Variants in DCDC1 observed in about 807,000 individuals in gnomAD.
DCDC1 encodes doublecortin domain containing 1, also known as doublecortin domain-containing protein 1.
Under a neutral mutation model 178.3 loss-of-function variants are expected in DCDC1, and 200 were observed. The ratio of observed to expected loss-of-function variants is 1.12; its 90% CI spans 1.00 to 1.26. The LOEUF (loss-of-function observed/expected upper bound fraction) is 1.26, where lower values mean the gene tolerates loss of function less well. Among genes scored for constraint, DCDC1 ranks in the 50% most tolerant of loss-of-function variants. The pLI, the probability that DCDC1 is intolerant of heterozygous loss-of-function variation, is 0.00. For synonymous variants in DCDC1, 690 were observed against 604.8 expected (o/e 1.14, Z -2.07); for missense variants, 1,983 against 1,749.2 (o/e 1.13, Z -2.38).
intron 20 of DCDC1, among the ~76,000 whole-genome samples, chr11:31,044,401 C>T (rs1289529596): frequency 1.3e-5 from 2 of 151,408 alleles, no homozygotes; most frequent in African/African-American, 4.9e-5. Flanking sequence ...GGGCATGAAC[C>T]CGGGAGGCGG....
At chr11:31,117,559 G>A (rs1960154135) in intron 11 of DCDC1, among the ~76,000 whole-genome samples, 2 of 151,992 alleles carry the variant, frequency 1.3e-5, no homozygotes, top group African/African-American at 2.4e-5. Flanking sequence ...GCCCTCATCA[G>A]CTTCTCAGTG....
At chr11:31,018,128 G>A (rs866999131) in intron 20 of DCDC1, among the ~76,000 whole-genome samples, 1 of 151,952 alleles carries the variant, frequency 6.6e-6, no homozygotes, top group Admixed American at 6.6e-5. Flanking sequence ...ATCATTGGCT[G>A]AACAAACTAA....
At chr11:31,329,803 T>G (rs1277637351) in intron 2 of DCDC1, among the ~76,000 whole-genome samples, 2 of 152,240 alleles carry the variant, frequency 1.3e-5, no homozygotes, top group African/African-American at 4.8e-5. Context: ...CTATCATAGA[T>G]GGACATTTGG....
intron 20 of DCDC1, among the ~76,000 whole-genome samples, chr11:30,974,364 G>A (rs758507238): frequency 6.7e-6 from 1 of 150,352 alleles, no homozygotes; most frequent in African/African-American, 2.4e-5. Context: ...TTAGTAGAAG[G>A]AAAGAAATAA....
chr11:30,866,263 G>GA (rs1233914480), intron 38 of DCDC1, among the ~76,000 whole-genome samples: 6 of 152,104 alleles, frequency 3.9e-5, no homozygotes, highest in Admixed American at 6.5e-5. Context: ...GGGTAGCTTA[G>GA]AAAAAATACA....
intron 17 of DCDC1, among the ~76,000 whole-genome samples, chr11:31,089,359 A>G (rs1287246688): frequency 2.6e-5 from 4 of 151,816 alleles, no homozygotes. Flanking sequence ...TGCTTTTAAG[A>G]TTTTCTCTTT....
At chr11:31,105,725 CAT>C (rs1393122754) in intron 13 of DCDC1, among the ~76,000 whole-genome samples, 1 of 152,116 alleles carries the variant, frequency 6.6e-6, no homozygotes, top group Middle Eastern at 3.4e-3. Flanking sequence ...AATTTTGTAA[CAT>C]GTGATCCACA....
chr11:31,196,259 C>T (rs190244680), intron 9 of DCDC1, among the ~76,000 whole-genome samples: 4 of 152,098 alleles, frequency 2.6e-5, no homozygotes, highest in East Asian at 3.9e-4. Context: ...TGACAGCAAA[C>T]GTGGTGGTTT....
At chr11:31,197,722 T>C (rs1970848618) in intron 9 of DCDC1, among the ~76,000 whole-genome samples, 1 of 152,106 alleles carries the variant, frequency 6.6e-6, no homozygotes, top group Admixed American at 6.6e-5. Flanking sequence ...CATCAGTTTA[T>C]GTGCCTCCAA....
chr11:31,137,823 A>G, intron 9 of DCDC1, 39 bp from the exon 10 acceptor site: 1 of 695,656 alleles, frequency 1.4e-6, no homozygotes. Flanking sequence ...GCAGGTATCT[A>G]TTGACACCTA....
At chr11:31,264,134 G>A (rs917271149) in intron 8 of DCDC1, among the ~76,000 whole-genome samples, 1 of 152,166 alleles carries the variant, frequency 6.6e-6, no homozygotes, top group African/African-American at 2.4e-5. Context: ...CCACATTTAT[G>A]AGTGTCAGCT....
intron 9 of DCDC1, among the ~76,000 whole-genome samples, chr11:31,204,809 A>G (rs1971688977): frequency 6.6e-6 from 1 of 152,176 alleles, no homozygotes; most frequent in Non-Finnish European, 1.5e-5. Flanking sequence ...GCAACACAGC[A>G]AGACTCCATC....
At position 31,216,734 on chromosome 11, in the gene DCDC1, A is replaced by G. The variant is rs529637096; in HGVS notation, c.1221+24716T>C. 2.0e-5 allele frequency among the ~76,000 whole-genome samples: 3 copies of G among 152,286 alleles called. No individual in the cohort carries two copies. In the South Asian group the frequency reaches 6.2e-4, roughly 32 times the overall value. ...GACAGTACTAGTTACTCAGGGTCTTAGCTTTCCCCATACAAGACAGAGATG... is the reference window on the plus strand; with the variant it reads ...GACAGTACTAGTTACTCAGGGTCTTGGCTTTCCCCATACAAGACAGAGATG... On this transcript the variant is annotated intron_variant, in intron 9 of 38. Transcript: ENST00000684477.
intron 22 of DCDC1, among the ~76,000 whole-genome samples, chr11:30,927,695 A>C (rs1280142675): frequency 6.6e-6 from 1 of 152,206 alleles, no homozygotes; most frequent in East Asian, 1.9e-4. Flanking sequence ...CTATTATTCT[A>C]AAATGGAACT....
intron 9 of DCDC1, among the ~76,000 whole-genome samples, chr11:31,192,992 G>A (rs568916027): frequency 1.6e-4 from 24 of 152,042 alleles, no homozygotes; most frequent in African/African-American, 2.4e-4. Flanking sequence ...TCCTGCTCTC[G>A]GACATCACAA....
At chr11:30,936,335 A>G (rs1947275895) in intron 21 of DCDC1, among the ~76,000 whole-genome samples, 1 of 152,146 alleles carries the variant, frequency 6.6e-6, no homozygotes, top group Non-Finnish European at 1.5e-5. Flanking sequence ...TGCTAATGGG[A>G]GACATTTGGT....
Position 31,331,243 on chromosome 11 carries a change from C to T in DCDC1, c.-6-2957G>A, listed in dbSNP as rs541584461. Among the ~76,000 whole-genome samples the T allele has an allele frequency of 5.9e-5, 9 of 152,278 alleles. No individual in the cohort carries two copies. The South Asian group carries it at 1.9e-3, about 32-fold the overall frequency. On this transcript the variant is annotated intron_variant, in intron 2 of 38. Transcript: ENST00000684477. Reference sequence around the variant, plus strand: ...TGCACATTGATTTTGTATCCTGAGACTTTGCTGAAGTTGCTTATCAGCTTA... The same window carrying T: ...TGCACATTGATTTTGTATCCTGAGATTTTGCTGAAGTTGCTTATCAGCTTA...
chr11:31,055,271 A>G (rs1352159770), intron 20 of DCDC1, among the ~76,000 whole-genome samples: 3 of 152,224 alleles, frequency 2.0e-5, no homozygotes, highest in Non-Finnish European at 2.9e-5. Flanking sequence ...ATGCAAATCA[A>G]AACCACAATG....
intron 7 of DCDC1, among the ~76,000 whole-genome samples, chr11:31,277,379 A>G (rs1048343534): frequency 6.6e-6 from 1 of 152,160 alleles, no homozygotes; most frequent in South Asian, 2.1e-4. Flanking sequence ...TAAAACAACT[A>G]TGAACATTCA....
Sources: gnomAD v4.1 joint callset for allele counts (sites outside exome capture counted in the v4.1 genomes callset) on GRCh38, gnomAD v4.1.1 for gene constraint, MANE v1.5 for transcripts, NCBI Gene and HGNC (gene_info 2026-07-23, HGNC 2026-07-21) for gene names.